RIMS2: variants seen among roughly 807,000 people sequenced by gnomAD.
RIMS2 encodes the protein regulating synaptic membrane exocytosis protein 2.
A neutral mutation model predicts 174.4 loss-of-function variants in RIMS2; 59 were observed. The observed-to-expected ratio is 0.34, with a 90% CI of 0.27 to 0.42. The LOEUF is 0.42. Ranked by LOEUF, RIMS2 falls within the 10% of genes least tolerant of loss-of-function variation. RIMS2 has a pLI of 1.00. For missense variants in RIMS2, 1,620 were observed against 1,666.3 expected (o/e 0.97, Z 0.48); for synonymous variants, 606 against 572.5 (o/e 1.06, Z -0.84).
intron 1 of RIMS2, among the ~76,000 whole-genome samples, chr8:103,512,107 A>G (rs1826731045): frequency 6.6e-6 from 1 of 152,168 alleles, no homozygotes; most frequent in Admixed American, 6.5e-5. Context: ...GGTGCCACTG[A>G]AACTTGCTAA....
rs545608658 is a variant in RIMS2, at chr8:103,523,747, T to G, written c.176+22685T>G. Among the ~76,000 whole-genome samples, 12 of 152,270 alleles carry G rather than the reference T, an allele frequency of 7.9e-5. No homozygotes were observed. The South Asian group carries it at 2.5e-3, about 32-fold the overall frequency. On this transcript the variant is annotated intron_variant, in intron 1 of 23. Transcript: ENST00000504942. ...GATCCCAAGTAAATAGATGAAGTCT[T>G]ATGTCTCCCAAGACTTGTGATTTTT... is the stretch of plus-strand genomic sequence containing the variant.
intron 19 of RIMS2, among the ~76,000 whole-genome samples, chr8:104,135,072 A>C (rs2133192402): frequency 6.6e-6 from 1 of 152,232 alleles, no homozygotes; most frequent in South Asian, 2.1e-4. Context: ...ATTTTTGAAA[A>C]CTTCATGTAT....
chr8:104,041,996 G>A (rs948909695), intron 19 of RIMS2, among the ~76,000 whole-genome samples: 2 of 151,480 alleles, frequency 1.3e-5, no homozygotes, highest in Non-Finnish European at 3.0e-5. Flanking sequence ...ATGTGGTACT[G>A]TTCTAGGTGC....
intron 4 of RIMS2, among the ~76,000 whole-genome samples, chr8:103,895,792 A>G (rs1175172693): frequency 6.6e-6 from 1 of 151,558 alleles, no homozygotes; most frequent in East Asian, 1.9e-4. Context: ...TCCTTTTTAT[A>G]GTAACTTTCT....
intron 19 of RIMS2, among the ~76,000 whole-genome samples, chr8:104,225,294 G>A (rs993660602): frequency 1.3e-5 from 2 of 152,052 alleles, no homozygotes; most frequent in African/African-American, 4.8e-5. Context: ...TAGAGCCAGC[G>A]TTTGAACCCA....
chr8:103,606,111 C>G (rs1438157812), intron 1 of RIMS2, among the ~76,000 whole-genome samples: 3 of 145,774 alleles, frequency 2.1e-5, no homozygotes, highest in African/African-American at 7.7e-5. Flanking sequence ...AATTTTGGAT[C>G]TTTCCTGCTT....
intron 13 of RIMS2, among the ~76,000 whole-genome samples, chr8:103,939,564 C>T (rs764488104): frequency 7.2e-5 from 11 of 152,204 alleles, no homozygotes; most frequent in Non-Finnish European, 1.0e-4. Context: ...TTCCACATTG[C>T]GGATAGGCGA....
At chr8:103,655,085 G>A (rs2096509735) in intron 1 of RIMS2, among the ~76,000 whole-genome samples, 1 of 151,620 alleles carries the variant, frequency 6.6e-6, no homozygotes, top group African/African-American at 2.4e-5. Context: ...TTTGATTTTG[G>A]CAATTGATGT....
exon 5 of RIMS2, chr8:103,910,168 TTGG>T (rs772382754): frequency 6.2e-7 from 1 of 1,612,430 alleles, no homozygotes. Context: ...ATCATACGTC[TTGG>T]CATAGCAGTG....
intron 1 of RIMS2, among the ~76,000 whole-genome samples, chr8:103,537,155 G>A (rs909117774): frequency 2.0e-5 from 3 of 152,272 alleles, no homozygotes; most frequent in Non-Finnish European, 4.4e-5. Flanking sequence ...TGTGTGTGAG[G>A]TTTAAATAAG....
intron 2 of RIMS2, among the ~76,000 whole-genome samples, chr8:103,722,339 A>G (rs1410514184): frequency 6.6e-6 from 1 of 152,142 alleles, no homozygotes. Context: ...TATTATTATT[A>G]CATTGTAATA....
intron 19 of RIMS2, among the ~76,000 whole-genome samples, chr8:104,118,788 G>A (rs1490570225): frequency 6.6e-6 from 1 of 152,134 alleles, no homozygotes; most frequent in African/African-American, 2.4e-5. Flanking sequence ...CCAGCATTGT[G>A]GGATTCTGGT....
intron 19 of RIMS2, among the ~76,000 whole-genome samples, chr8:104,181,119 A>G (rs1428829005): frequency 6.6e-6 from 1 of 151,714 alleles, no homozygotes; most frequent in African/African-American, 2.4e-5. Context: ...AGGACTTCAT[A>G]AAGTCCTTTA....
At chr8:103,532,650 A>G (rs1265290826) in intron 1 of RIMS2, among the ~76,000 whole-genome samples, 1 of 152,240 alleles carries the variant, frequency 6.6e-6, no homozygotes, top group Admixed American at 6.5e-5. Flanking sequence ...TGAGTTGTTG[A>G]GACAGTGACT....
At chr8:103,623,568 T>C (rs1387836888) in intron 1 of RIMS2, among the ~76,000 whole-genome samples, 2 of 134,996 alleles carry the variant, frequency 1.5e-5, no homozygotes, top group African/African-American at 2.8e-5. Context: ...CACTGCAAGC[T>C]CCGCCTCCCG....
At chr8:104,071,955 A>G (rs572607246) in intron 19 of RIMS2, among the ~76,000 whole-genome samples, 1 of 152,308 alleles carries the variant, frequency 6.6e-6, no homozygotes, top group African/African-American at 2.4e-5. Context: ...AAGGCCTTTA[A>G]TAATGTCTGA....
At chr8:103,932,246 C>T (rs546146768) in intron 12 of RIMS2, among the ~76,000 whole-genome samples, 9 of 152,188 alleles carry the variant, frequency 5.9e-5, no homozygotes, top group South Asian at 4.1e-4. Context: ...TATGTTTATA[C>T]GCTTTTGGAA....
chr8:103,547,240 G>A (rs752420324), intron 1 of RIMS2, among the ~76,000 whole-genome samples: 3 of 152,272 alleles, frequency 2.0e-5, no homozygotes, highest in Non-Finnish European at 2.9e-5. Flanking sequence ...TTGGTCTCAT[G>A]TTATCCTTCC....
intron 19 of RIMS2, among the ~76,000 whole-genome samples, chr8:104,158,673 T>C (rs2098741047): frequency 6.6e-6 from 1 of 152,224 alleles, no homozygotes; most frequent in African/African-American, 2.4e-5. Flanking sequence ...TTTTCATGTG[T>C]CTGTTGGCTG....
Sources: allele counts gnomAD v4.1 joint callset (sites outside exome capture counted in the v4.1 genomes callset), GRCh38; gene constraint gnomAD v4.1.1; transcripts MANE v1.5; gene names NCBI Gene and HGNC (gene_info 2026-07-23, HGNC 2026-07-21).